Variants in NAALADL2 observed in about 807,000 individuals in gnomAD.
The protein encoded by NAALADL2 is N-acetylated alpha-linked acidic dipeptidase like 2.
In NAALADL2, 76 loss-of-function variants were observed where a neutral mutation model predicts 87.2. The observed-to-expected ratio is 0.87, with a 90% CI of 0.72 to 1.05. The LOEUF (loss-of-function observed/expected upper bound fraction) is 1.05, where lower values mean the gene tolerates loss of function less well. NAALADL2 is among the 50% of genes least tolerant of loss of function. The pLI, the probability that NAALADL2 is intolerant of heterozygous loss-of-function variation, is 0.00. For synonymous variants in NAALADL2, 354 were observed against 331.0 expected, an observed-to-expected ratio of 1.07 and a Z score of -0.75; for missense variants, 1,089 against 945.8, an observed-to-expected ratio of 1.15 and a Z score of -1.99.
intron 3 of NAALADL2, among the ~76,000 whole-genome samples, chr3:175,252,757 C>T (rs1209556901): frequency 6.6e-6 from 1 of 152,148 alleles, no homozygotes; most frequent in East Asian, 1.9e-4. Flanking sequence ...CTAGTGAACA[C>T]ATGAATAATT....
chr3:174,888,053 A>C (rs2109770987), intron 1 of NAALADL2, among the ~76,000 whole-genome samples: 1 of 152,298 alleles, frequency 6.6e-6, no homozygotes, highest in East Asian at 1.9e-4. Context: ...GATGTCTTAC[A>C]GGATATAATA....
intron 2 of NAALADL2, among the ~76,000 whole-genome samples, chr3:174,718,566 T>C (rs1220414803): frequency 1.3e-5 from 2 of 152,168 alleles, no homozygotes; most frequent in Non-Finnish European, 2.9e-5. Flanking sequence ...GAAAATAACC[T>C]TTTATTATGT....
At chr3:174,692,245 C>A (rs572509085) in intron 2 of NAALADL2, among the ~76,000 whole-genome samples, 3 of 152,124 alleles carry the variant, frequency 2.0e-5, no homozygotes, top group Admixed American at 6.5e-5. Context: ...GTTGCAGAAT[C>A]GATTTTGAAA....
intron 4 of NAALADL2, among the ~76,000 whole-genome samples, chr3:175,274,242 A>G (rs1753265828): frequency 6.6e-6 from 1 of 152,148 alleles, no homozygotes; most frequent in African/African-American, 2.4e-5. Flanking sequence ...AGATCTCATG[A>G]GACTTATTCA....
intron 5 of NAALADL2, among the ~76,000 whole-genome samples, chr3:175,383,228 G>A (rs1360007060): frequency 6.6e-6 from 1 of 151,930 alleles, no homozygotes; most frequent in Non-Finnish European, 1.5e-5. Flanking sequence ...ACATGTTGTT[G>A]TTGTTGTTAA....
intron 2 of NAALADL2, among the ~76,000 whole-genome samples, chr3:174,580,499 T>TA (rs779032671): frequency 5.3e-5 from 8 of 152,118 alleles, no homozygotes; most frequent in Non-Finnish European, 1.0e-4. Flanking sequence ...AAATTCTCAC[T>TA]AAAATGAAGA....
chr3:175,011,284 G>GAGAC, intron 1 of NAALADL2, among the ~76,000 whole-genome samples: 1 of 111,270 alleles, frequency 9.0e-6, no homozygotes. Flanking sequence ...GAGAGACAGA[G>GAGAC]AGAGAGAGAG....
intron 2 of NAALADL2, among the ~76,000 whole-genome samples, chr3:175,134,133 TCA>T (rs1444489443): frequency 6.6e-6 from 1 of 152,214 alleles, no homozygotes; most frequent in African/African-American, 2.4e-5. Context: ...TTGTCTACAG[TCA>T]CAGTTTATTT....
At chr3:175,620,769 G>C (rs1211744829) in intron 10 of NAALADL2, among the ~76,000 whole-genome samples, 1 of 152,138 alleles carries the variant, frequency 6.6e-6, no homozygotes, top group Non-Finnish European at 1.5e-5. Context: ...CGCTCTTTTC[G>C]TGCCTGCAAT....
rs150857327 is a variant in NAALADL2, at chr3:174,478,349, A to G, written c.-184+37317A>G. Among the ~76,000 whole-genome samples, 54 of 152,284 alleles carry G rather than the reference A, an allele frequency of 3.5e-4. No individual in the cohort carries two copies. The East Asian group carries it at 0.01, about 28-fold the overall frequency. On this transcript the variant is annotated intron_variant, in intron 1 of 3. Transcript: ENST00000434257. ...ATGTTTCTGAGAGTTTAAGAATTACAAGACAGTGCTATCTTACATATTGTG... is the reference window on the plus strand; with the variant it reads ...ATGTTTCTGAGAGTTTAAGAATTACGAGACAGTGCTATCTTACATATTGTG...
At chr3:175,388,192 G>A (rs992552775) in intron 5 of NAALADL2, among the ~76,000 whole-genome samples, 1 of 152,092 alleles carries the variant, frequency 6.6e-6, no homozygotes, top group Non-Finnish European at 1.5e-5. Context: ...ATTCAGAAGA[G>A]TCTGGTCATT....
At chr3:175,595,601 C>G (rs997204360) in intron 10 of NAALADL2, among the ~76,000 whole-genome samples, 1 of 151,802 alleles carries the variant, frequency 6.6e-6, no homozygotes, top group African/African-American at 2.4e-5. Context: ...CAATAATGCC[C>G]AGGCTTGGAG....
intron 1 of NAALADL2, among the ~76,000 whole-genome samples, chr3:174,950,689 A>G (rs907791795): frequency 1.3e-5 from 2 of 152,118 alleles, no homozygotes; most frequent in Admixed American, 6.6e-5. Flanking sequence ...TTAATTGTCA[A>G]TAATTTGAAA....
At chr3:174,656,138 C>G (rs1724895938) in intron 2 of NAALADL2, among the ~76,000 whole-genome samples, 1 of 152,162 alleles carries the variant, frequency 6.6e-6, no homozygotes, top group Non-Finnish European at 1.5e-5. Context: ...CATTTTATAT[C>G]AATGGAGCAA....
intron 1 of NAALADL2, among the ~76,000 whole-genome samples, chr3:174,503,772 C>T (rs1054476773): frequency 1.3e-5 from 2 of 152,100 alleles, no homozygotes; most frequent in African/African-American, 2.4e-5. Flanking sequence ...ACAATATAGA[C>T]TTCCTTTAAA....
chr3:175,634,372 T>G (rs2149737417), intron 11 of NAALADL2, among the ~76,000 whole-genome samples: 1 of 152,132 alleles, frequency 6.6e-6, no homozygotes, highest in Non-Finnish European at 1.5e-5. Flanking sequence ...TATAATATTC[T>G]TAAGATTCTT....
intron 1 of NAALADL2, among the ~76,000 whole-genome samples, chr3:174,467,040 C>T (rs1716579084): frequency 6.6e-6 from 1 of 151,960 alleles, no homozygotes; most frequent in Admixed American, 6.6e-5. Context: ...TTTATGTAGT[C>T]TATCTTGAAA....
At chr3:175,768,168 G>A (rs1748996936) in intron 13 of NAALADL2, among the ~76,000 whole-genome samples, 1 of 152,052 alleles carries the variant, frequency 6.6e-6, no homozygotes, top group Non-Finnish European at 1.5e-5. Context: ...ACAATGGTTA[G>A]GCTATCAGGA....
chr3:175,692,466 G>C (rs1487153204), intron 11 of NAALADL2, among the ~76,000 whole-genome samples: 1 of 152,024 alleles, frequency 6.6e-6, no homozygotes, highest in Non-Finnish European at 1.5e-5. Flanking sequence ...AGTTTCCACA[G>C]ATTGATCTTA....
Sources: gnomAD v4.1 joint callset for allele counts (sites outside exome capture counted in the v4.1 genomes callset) on GRCh38, gnomAD v4.1.1 for gene constraint, MANE v1.5 for transcripts, NCBI Gene and HGNC (gene_info 2026-07-23, HGNC 2026-07-21) for gene names.